Variants in DIPK1C observed in about 807,000 individuals in gnomAD.
DIPK1C encodes familial non-conventional Alzheimer's dementia.
Under a neutral mutation model 28.0 loss-of-function variants are expected in DIPK1C, and 33 were observed. The ratio of observed to expected loss-of-function variants is 1.18; its 90% CI spans 0.89 to 1.58. The LOEUF is 1.58. Among genes scored for constraint, DIPK1C ranks in the 40% most tolerant of loss-of-function variants. DIPK1C has a pLI of 0.00. For missense variants in DIPK1C, 569 were observed against 568.5 expected (o/e 1.00, Z -0.01); for synonymous variants, 255 against 248.8 (o/e 1.02, Z -0.23).
chr18:74,441,516 G>A (rs1365480815), intron 3 of DIPK1C, among the ~76,000 whole-genome samples: 1 of 152,134 alleles, frequency 6.6e-6, no homozygotes, highest in South Asian at 2.1e-4. Context: ...ACCACCTCCT[G>A]GTCCTGACCT....
At chr18:74,445,119 G>A (rs1416355417) in intron 2 of DIPK1C, among the ~76,000 whole-genome samples, 1 of 152,224 alleles carries the variant, frequency 6.6e-6, no homozygotes, top group East Asian at 1.9e-4. Flanking sequence ...GAGTGACTGA[G>A]TGGCGAGAAC....
At chr18:74,457,328 C>T, upstream of DIPK1C, 3 of 962,736 alleles carry the variant, frequency 3.1e-6, no homozygotes, top group Non-Finnish European at 3.7e-6. Context: ...CGTAGCTGCT[C>T]CGCGGCTCAG....
chr18:74,443,483 G>A (rs1425855700), intron 2 of DIPK1C, among the ~76,000 whole-genome samples: 1 of 152,140 alleles, frequency 6.6e-6, no homozygotes, highest in East Asian at 1.9e-4. Context: ...TACGCAGTCT[G>A]GGAGGCACCT....
Position 74,453,640 on chromosome 18 carries a change from G to C in DIPK1C, c.198+3422C>G, listed in dbSNP as rs117594256. ...GCCTTCAGGACAACAGAGTCTGTGG[G>C]AATATCTTTGACATGCTTTGAAAAT... On this transcript the variant is annotated intron_variant, in intron 1 of 3. Transcript: ENST00000343998. Among the ~76,000 whole-genome samples, 1,184 of 152,300 alleles carry C rather than the reference G, an allele frequency of 7.8e-3. 10 individuals are homozygous for C. The highest frequency in any genetic ancestry group is 0.012 in the Non-Finnish European group (808 of 68,034).
chr18:74,438,636 C>A (rs1211245563), intron 3 of DIPK1C, among the ~76,000 whole-genome samples: 2 of 152,120 alleles, frequency 1.3e-5, no homozygotes, highest in African/African-American at 2.4e-5. Context: ...AATGAATGGT[C>A]AAGTTTATAT....
At chr18:74,449,510 C>T (rs1358000933) in intron 1 of DIPK1C, among the ~76,000 whole-genome samples, 1 of 152,228 alleles carries the variant, frequency 6.6e-6, no homozygotes, top group Non-Finnish European at 1.5e-5. Flanking sequence ...GGTAGTACAA[C>T]AGCCTGAAAG....
chr18:74,463,814 C>T, the DIPK1C span, among the ~76,000 whole-genome samples: 2 of 152,282 alleles, frequency 1.3e-5, no homozygotes, highest in East Asian at 1.9e-4. Flanking sequence ...TAAGCCTGCC[C>T]AAAAGAGCCT....
chr18:74,446,517 C>T, intron 2 of DIPK1C, 89 bp downstream of exon 2: 1 of 1,282,810 alleles, frequency 7.8e-7, no homozygotes. Context: ...CTAACTCAGG[C>T]CAGGAGCTCA....
In DIPK1C at chr18:74,436,640, T is replaced by C. The variant is rs746634956; in HGVS notation, c.1121A>G (p.Gln374Arg). The C allele has an allele frequency of 1.2e-6, 2 of 1,613,946 alleles. No homozygotes were observed. Among genetic ancestry groups the C allele is most frequent in the Non-Finnish European group, 1.7e-6 (2 of 1,180,014 alleles). ...ACATTCCTGCACCGCCTCCTGTAACTGCAGCTGAAGCTGGAAAGAGACCGC... is the reference window on the plus strand; with the variant it reads ...ACATTCCTGCACCGCCTCCTGTAACCGCAGCTGAAGCTGGAAAGAGACCGC... ...SSAVSFQLQL[Q>R]LQEAVQECAD... is the part of the protein sequence containing the mutation. Residue 374 changes from glutamine (Q) to arginine (R), a missense_variant, in exon 4 of 4, where the codon CAG becomes CGG. Physicochemically the swap from Gln to Arg is conservative, Grantham distance 43. Coordinates refer to ENST00000343998, the MANE Select transcript of DIPK1C (RefSeq NM_001044369.3).
intron 3 of DIPK1C, among the ~76,000 whole-genome samples, chr18:74,438,375 T>G (rs529663837): frequency 6.6e-6 from 1 of 152,392 alleles, no homozygotes; most frequent in South Asian, 2.1e-4. Flanking sequence ...TTGCATTTTG[T>G]GCATGTGACT....
intron 2 of DIPK1C, 113 bp downstream of exon 2, chr18:74,446,493 G>T: frequency 3.8e-6 from 4 of 1,060,200 alleles, no homozygotes; most frequent in Non-Finnish European, 3.8e-6. Context: ...GGCTGCAGAA[G>T]CAACAGTAGT....
At chr18:74,460,108 G>A (rs1177186169), upstream of DIPK1C, among the ~76,000 whole-genome samples, 1 of 152,202 alleles carries the variant, frequency 6.6e-6, no homozygotes, top group Non-Finnish European at 1.5e-5. Context: ...CACAAGGGGA[G>A]AATCTGCTGA....
At position 74,436,478 on chromosome 18, in the gene DIPK1C, G is replaced by A; in HGVS notation, c.*23C>T. 1 of 1,560,956 alleles carries A rather than the reference G, an allele frequency of 6.4e-7. No individual in the cohort carries two copies. On this transcript the variant is annotated 3_prime_UTR_variant, in exon 4 of 4. Coordinates refer to ENST00000343998, the MANE Select transcript of DIPK1C (RefSeq NM_001044369.3). ...AGCCAAGGTCACTTTTCCTGTGTGA[G>A]CATGTTTAAGGCCAGAGAGTGGCTA...
At chr18:74,463,849 C>T in the DIPK1C span, among the ~76,000 whole-genome samples, 1 of 152,176 alleles carries the variant, frequency 6.6e-6, no homozygotes. Context: ...TCGCCTGACA[C>T]GAAATCAGCA....
At chr18:74,457,533 A>G (rs1277096755), upstream of DIPK1C, among the ~76,000 whole-genome samples, 3 of 152,128 alleles carry the variant, frequency 2.0e-5, no homozygotes, top group Non-Finnish European at 4.4e-5. Context: ...TTTTCCCCCA[A>G]GAAGACCAGC....
chr18:74,455,737 A>AAAAG lies in DIPK1C; in HGVS notation c.198+1324_198+1325insCTTT, dbSNP rs1555699589. Among the ~76,000 whole-genome samples, 205 of 126,374 alleles carry AAAAG rather than the reference A, an allele frequency of 1.6e-3. 1 individual carries two copies. The highest frequency in any genetic ancestry group is 5.6e-3 in the African/African-American group (190 of 34,030). The allele number at this position is 126,374 out of a possible 152,430, so 82.9% of individuals were successfully genotyped here. Reference sequence around the variant, plus strand: ...GAGCAAAACTCCATAAAAAAAAAAGAAAAAGAAAAAGAAAAAAAAAACCAA... The same window carrying AAAAG: ...GAGCAAAACTCCATAAAAAAAAAAGAAAAGAAAAGAAAAAGAAAAAAAAAACCAA... On this transcript the variant is annotated intron_variant, in intron 1 of 3. Transcript: ENST00000343998.
At chr18:74,439,795 G>A (rs946652365) in intron 3 of DIPK1C, among the ~76,000 whole-genome samples, 1 of 152,086 alleles carries the variant, frequency 6.6e-6, no homozygotes, top group African/African-American at 2.4e-5. Flanking sequence ...ACTTTGGCCT[G>A]GGTGATGAAG....
chr18:74,436,436 A>G lies in DIPK1C; in HGVS notation c.*65T>C. On this transcript the variant is annotated 3_prime_UTR_variant, in exon 4 of 4. Coordinates refer to ENST00000343998, the MANE Select transcript of DIPK1C (RefSeq NM_001044369.3). ...AGGGGAAATGGCTCATCTTTAAAAC[A>G]ATGGCAGAAGAAATCCAGCCAAGGT... The G allele has an allele frequency of 1.4e-6, 2 of 1,438,798 alleles. No homozygotes were observed. Among genetic ancestry groups the G allele is most frequent in the Non-Finnish European group, 1.9e-6 (2 of 1,067,208 alleles). The allele number at this position is 1,438,798 out of a possible 1,614,324, so 89.1% of individuals were successfully genotyped here.
intron 1 of DIPK1C, among the ~76,000 whole-genome samples, chr18:74,456,804 G>A (rs1449532758): frequency 1.3e-5 from 2 of 152,230 alleles, no homozygotes; most frequent in Non-Finnish European, 2.9e-5. Flanking sequence ...GTAGGACGGA[G>A]AGGCTGTCTG....
Sources: allele counts gnomAD v4.1 joint callset (sites outside exome capture counted in the v4.1 genomes callset), GRCh38; gene constraint gnomAD v4.1.1; transcripts MANE v1.5; gene names NCBI Gene and HGNC (gene_info 2026-07-23, HGNC 2026-07-21).